Variants in DRC4 observed in about 807,000 individuals in gnomAD.
DRC4 encodes GAS-11.
chr16:90,036,361 T>C, the DRC4 span: 12 of 1,585,842 alleles, frequency 7.6e-6, no homozygotes, highest in Non-Finnish European at 9.5e-6. Flanking sequence ...GCTAAGCTGC[T>C]GTTTGCTGCT....
the DRC4 span, chr16:90,031,303 A>G: frequency 6.2e-7 from 1 of 1,612,330 alleles, no homozygotes; most frequent in Non-Finnish European, 8.5e-7. Flanking sequence ...GGCCAGGTGG[A>G]GGAGCATGTC....
At chr16:90,027,239 G>C in the DRC4 span, among the ~76,000 whole-genome samples, 50,048 of 151,452 alleles carry the variant, frequency 0.33, 8,433 homozygotes, top group South Asian at 0.44. Context: ...GCGCCCACCG[G>C]CACGCCCGGC....
At chr16:90,026,488 C>T in the DRC4 span, among the ~76,000 whole-genome samples, 2 of 152,236 alleles carry the variant, frequency 1.3e-5, no homozygotes, top group Admixed American at 6.5e-5. Context: ...TTGTCACAAC[C>T]GATCGTGGTT....
chr16:90,022,793 C>T, the DRC4 span: 52 of 1,272,208 alleles, frequency 4.1e-5, 1 homozygote, highest in South Asian at 9.5e-4. Context: ...AGGGAGGCCT[C>T]GGTACACGGA....
chr16:90,038,069 C>T, the DRC4 span, among the ~76,000 whole-genome samples: 7 of 152,214 alleles, frequency 4.6e-5, no homozygotes, highest in South Asian at 2.1e-4. Context: ...TAACTCATTC[C>T]GCAGCTTCTA....
chr16:90,022,657 C>T, the DRC4 span: 3 of 1,410,362 alleles, frequency 2.1e-6, no homozygotes, highest in Non-Finnish European at 2.8e-6. Context: ...TGCCGGGAAA[C>T]GGCGTGGCTT....
At chr16:90,032,071 G>T in the DRC4 span, among the ~76,000 whole-genome samples, 1 of 151,996 alleles carries the variant, frequency 6.6e-6, no homozygotes, top group African/African-American at 2.4e-5. Context: ...GACCAGGTGT[G>T]TACGGGAATT....
At chr16:90,043,489 C>A in the DRC4 span, 1 of 878,576 alleles carries the variant, frequency 1.1e-6, no homozygotes, top group Non-Finnish European at 1.7e-6. Context: ...ATCCTCTTTC[C>A]TGGCTCTGTG....
chr16:90,042,475 TCTTGAGTC>T, the DRC4 span: 1 of 1,613,790 alleles, frequency 6.2e-7, no homozygotes, highest in Non-Finnish European at 8.5e-7. Context: ...CTCAGGATGT[TCTTGAGTC>T]GAAGAACAGC....
the DRC4 span, chr16:90,044,177 T>TG: frequency 1.1e-5 from 5 of 454,574 alleles, no homozygotes; most frequent in Admixed American, 9.6e-5. Flanking sequence ...GGCTCCAGTG[T>TG]GGGGTGAGGC....
At chr16:90,020,175 A>C in the DRC4 span, 4 of 520,334 alleles carry the variant, frequency 7.7e-6, no homozygotes, top group Non-Finnish European at 1.0e-5. Flanking sequence ...TTCAATATTT[A>C]TCTCTCAAAG....
chr16:90,019,917 G>A, the DRC4 span: 1 of 680,260 alleles, frequency 1.5e-6, no homozygotes, highest in African/African-American at 1.8e-5. This position sits in a 1 kb window ranked among gnomAD's most constrained non-coding sequence, Gnocchi z 6.1. Context: ...GGGGGCGAGG[G>A]CGTGTGCTTG....
chr16:90,032,718 G>T, the DRC4 span: 64 of 1,613,774 alleles, frequency 4.0e-5, no homozygotes, highest in African/African-American at 6.8e-4. Context: ...TGCCCTGCAG[G>T]TGTACAAGCA....
the DRC4 span, chr16:90,044,142 C>G: frequency 4.4e-6 from 2 of 455,584 alleles, no homozygotes; most frequent in South Asian, 3.1e-5. Flanking sequence ...AAGCCACAGC[C>G]CAGTAAGTCA....
the DRC4 span, chr16:90,043,185 T>G: frequency 1.2e-6 from 2 of 1,604,192 alleles, no homozygotes; most frequent in Non-Finnish European, 1.7e-6. Flanking sequence ...GACACTGCCC[T>G]GTCTCCACAG....
the DRC4 span, chr16:90,029,145 G>T: frequency 7.5e-7 from 1 of 1,340,362 alleles, no homozygotes; most frequent in Non-Finnish European, 9.9e-7. Context: ...AGCCTACGGG[G>T]CAGCCTACGG....
chr16:90,043,343 T>C, the DRC4 span: 2 of 1,582,940 alleles, frequency 1.3e-6, no homozygotes, highest in Non-Finnish European at 1.7e-6. Context: ...CACCCCGACG[T>C]AGCTGCCCCC....
At chr16:90,024,952 G>A in the DRC4 span, among the ~76,000 whole-genome samples, 4 of 151,948 alleles carry the variant, frequency 2.6e-5, no homozygotes, top group Non-Finnish European at 5.9e-5. Flanking sequence ...AAGGAATATG[G>A]GTGATATTTC....
At chr16:90,040,287 G>A in the DRC4 span, 28 of 1,564,614 alleles carry the variant, frequency 1.8e-5, no homozygotes, top group Admixed American at 1.9e-4. Context: ...CACCCCCAGC[G>A]CTGTCCCTAC....
Sources: gnomAD v4.1 joint callset for allele counts (sites outside exome capture counted in the v4.1 genomes callset) on GRCh38, gnomAD v4.1.1 for gene constraint, Gnocchi (gnomAD v3.1) non-coding constraint, MANE v1.5 for transcripts, NCBI Gene and HGNC (gene_info 2026-07-23, HGNC 2026-07-21) for gene names.